The following PTPRN2 variants were observed in gnomAD, a reference collection of about 807,000 sequenced individuals.
PTPRN2 encodes receptor-type tyrosine-protein phosphatase N2.
Under a neutral mutation model 118.8 loss-of-function variants are expected in PTPRN2, and 74 were observed. The ratio of observed to expected loss-of-function variants is 0.62; its 90% CI spans 0.52 to 0.76. PTPRN2 has a LOEUF of 0.76. Ranked by LOEUF, PTPRN2 falls within the 30% of genes least tolerant of loss-of-function variation. PTPRN2 has a pLI of 0.00. For missense variants in PTPRN2, 1,481 were observed against 1,394.4 expected (o/e 1.06, Z -0.99); for synonymous variants, 641 against 608.0 (o/e 1.05, Z -0.80).
chr7:157,727,399 G>A (rs1225191901), intron 12 of PTPRN2, among the ~76,000 whole-genome samples: 1 of 152,168 alleles, frequency 6.6e-6, no homozygotes, highest in African/African-American at 2.4e-5. Context: ...CACAACACAG[G>A]GAACCCTGGG....
At chr7:158,188,189 T>G (rs991012933) in intron 5 of PTPRN2, among the ~76,000 whole-genome samples, 5,442 of 58,606 alleles carry the variant, frequency 0.093, 709 homozygotes, top group Non-Finnish European at 0.13. Context: ...CGCCCCGCGA[T>G]GGGGAAGGCC....
chr7:158,245,014 T>G (rs926165622), intron 3 of PTPRN2, among the ~76,000 whole-genome samples: 7 of 152,188 alleles, frequency 4.6e-5, no homozygotes, highest in Non-Finnish European at 1.0e-4. Flanking sequence ...TGTGGACAAG[T>G]GACGTCGTCT....
At chr7:157,710,810 G>A (rs10246916) in intron 12 of PTPRN2, among the ~76,000 whole-genome samples, 9,711 of 143,330 alleles carry the variant, frequency 0.068, 998 homozygotes, top group African/African-American at 0.22. Flanking sequence ...AGAGCCCCAC[G>A]CGCCGGAGGT....
At chr7:157,653,334 G>A (rs1401718992) in intron 14 of PTPRN2, among the ~76,000 whole-genome samples, 1 of 152,206 alleles carries the variant, frequency 6.6e-6, no homozygotes, top group African/African-American at 2.4e-5. Context: ...GGGCACTGAG[G>A]TGGCCGGTTG....
At chr7:157,727,118 C>T (rs1334258828) in intron 12 of PTPRN2, among the ~76,000 whole-genome samples, 1 of 152,154 alleles carries the variant, frequency 6.6e-6, no homozygotes, top group East Asian at 1.9e-4. Flanking sequence ...GCCGGCAGCC[C>T]TATGTCTGGG....
At chr7:157,559,017 G>A (rs1331436489) in intron 21 of PTPRN2, among the ~76,000 whole-genome samples, 2 of 152,224 alleles carry the variant, frequency 1.3e-5, no homozygotes, top group South Asian at 2.1e-4. Context: ...GAGGGGCCGC[G>A]TGACACTGCA....
Position 157,787,824 on chromosome 7 carries a change from G to A in PTPRN2, c.1789-104887C>T, listed in dbSNP as rs535296056. Reference sequence around the variant, plus strand: ...CTGGGGGCCCCGTCCAAGCTGCCAAGGGCTGGGGTGGGCTGTTCCCCTCTT... The same window carrying A: ...CTGGGGGCCCCGTCCAAGCTGCCAAAGGCTGGGGTGGGCTGTTCCCCTCTT... On this transcript the variant is annotated intron_variant, in intron 12 of 22. Coordinates refer to ENST00000389418, the MANE Select transcript of PTPRN2 (RefSeq NM_002847.5). The surrounding 1 kb of genome is among the most constrained non-coding windows in gnomAD (Gnocchi z 5.3). 7.2e-3 allele frequency among the ~76,000 whole-genome samples: 1,095 copies of A among 152,272 alleles called. 12 individuals are homozygous for A. Among genetic ancestry groups the A allele is most frequent in the African/African-American group, 0.025 (1,038 of 41,546 alleles).
chr7:158,578,698 C>T (rs1456381449), intron 1 of PTPRN2, among the ~76,000 whole-genome samples: 1 of 151,930 alleles, frequency 6.6e-6, no homozygotes, highest in African/African-American at 2.4e-5. Context: ...CTCCTTCCTC[C>T]CTCCCTTCTT....
rs1163038105 is a variant in PTPRN2 at position 158,574,271 on chromosome 7, T to C, written c.112+13287A>G. ...TCTAAAATGTTATTAATCACATTAATAAAAATTTTAGTGAATACAAAGAAG... is the reference window on the plus strand; with the variant it reads ...TCTAAAATGTTATTAATCACATTAACAAAAATTTTAGTGAATACAAAGAAG... On this transcript the variant is annotated intron_variant, in intron 1 of 22. Coordinates refer to ENST00000389418, the MANE Select transcript of PTPRN2 (RefSeq NM_002847.5). This position sits in a 1 kb window ranked among gnomAD's most constrained non-coding sequence, Gnocchi z 4.6. Among the ~76,000 whole-genome samples the C allele has an allele frequency of 1.3e-5, 2 of 152,262 alleles. No individual in the cohort carries two copies. The highest frequency in any genetic ancestry group is 4.1e-4 in the South Asian group (2 of 4,836).
intron 12 of PTPRN2, among the ~76,000 whole-genome samples, chr7:157,775,816 C>T (rs1447733298): frequency 6.6e-6 from 1 of 152,134 alleles, no homozygotes; most frequent in Non-Finnish European, 1.5e-5. Context: ...CATCTGCTCA[C>T]CAAGTAAGCC....
intron 21 of PTPRN2, among the ~76,000 whole-genome samples, chr7:157,557,385 A>C (rs1798955470): frequency 6.6e-6 from 1 of 151,954 alleles, no homozygotes; most frequent in Non-Finnish European, 1.5e-5. Context: ...CATACATCAT[A>C]CACATGCATA....
intron 2 of PTPRN2, among the ~76,000 whole-genome samples, chr7:158,366,741 C>G (rs1809560694): frequency 6.6e-6 from 1 of 152,124 alleles, no homozygotes; most frequent in African/African-American, 2.4e-5. Flanking sequence ...CCATTGACGG[C>G]CAGGGTTCTC....
rs1274995648 is a variant in PTPRN2, at chr7:157,646,377, A to T, written c.2196+9980T>A. Among the ~76,000 whole-genome samples the T allele has an allele frequency of 2.0e-5, 3 of 152,096 alleles. No individual in the cohort carries two copies. In the East Asian group the frequency reaches 5.8e-4, roughly 29 times the overall value. On this transcript the variant is annotated intron_variant, in intron 14 of 22. Coordinates refer to ENST00000389418, the MANE Select transcript of PTPRN2 (RefSeq NM_002847.5). Reference sequence around the variant, plus strand: ...CTGTTCTCTCCCTCCTGCACCTGCCATGTGACGTCTTGGCTCCCCTTTGCC... The same window carrying T: ...CTGTTCTCTCCCTCCTGCACCTGCCTTGTGACGTCTTGGCTCCCCTTTGCC...
At chr7:157,772,344 T>TAC (rs1230372050) in intron 12 of PTPRN2, among the ~76,000 whole-genome samples, 4 of 100,098 alleles carry the variant, frequency 4.0e-5, no homozygotes, top group Non-Finnish European at 7.7e-5. Context: ...CACACAGACA[T>TAC]ACACACACAC....
intron 2 of PTPRN2, among the ~76,000 whole-genome samples, chr7:158,398,819 A>AT (rs534185030): frequency 3.9e-5 from 6 of 152,336 alleles, no homozygotes; most frequent in African/African-American, 1.4e-4. Flanking sequence ...CTACCTCTCC[A>AT]TAACACATCA....
chr7:158,489,790 G>T lies in PTPRN2; in HGVS notation c.113-5C>A. ...GGCCCTCCTCGAGCAGGCAGCCTGC[G>T]GGGAAACAGAGAAGAGACGCGGTCA... On this transcript the variant is annotated splice_region_variant and splice_polypyrimidine_tract_variant and intron_variant, in intron 1 of 22. Transcript: ENST00000389418. The T allele has an allele frequency of 6.4e-7, 1 of 1,568,800 alleles. No homozygotes were observed. The highest frequency in any genetic ancestry group is 8.6e-7 in the Non-Finnish European group (1 of 1,159,910).
rs1563371763 is a variant in PTPRN2, at chr7:158,058,365, CACATCACT to C, written c.1723+22925_1723+22932del. 1.4e-4 allele frequency among the ~76,000 whole-genome samples: 11 copies of C among 80,700 alleles called. 3 individuals are homozygous for C. Among genetic ancestry groups the C allele is most frequent in the African/African-American group, 5.4e-4 (11 of 20,384 alleles). The allele number at this position is 80,700 out of a possible 152,430, so 52.9% of individuals were successfully genotyped here. The stretch of plus-strand genomic sequence containing the variant: ...GCCACGCTCCATCTGCCCACGGTGA[CACATCACT>C]GCAGCCACACTCCATCTGCCCACGG... On this transcript the variant is annotated intron_variant, in intron 11 of 22. Transcript: ENST00000389418.
intron 12 of PTPRN2, among the ~76,000 whole-genome samples, chr7:157,767,922 G>T (rs912023324): frequency 6.6e-6 from 1 of 152,162 alleles, no homozygotes; most frequent in African/African-American, 2.4e-5. Context: ...AAGAAAGCCC[G>T]CTTGAGGGAC....
intron 10 of PTPRN2, among the ~76,000 whole-genome samples, chr7:158,110,496 A>G (rs114288987): frequency 0.014 from 2,077 of 152,278 alleles, 53 homozygotes; most frequent in African/African-American, 0.047. Context: ...AACGCTGCAC[A>G]GTGTTCTCTG....
Sources: gnomAD v4.1 joint callset for allele counts (sites outside exome capture counted in the v4.1 genomes callset) on GRCh38, gnomAD v4.1.1 for gene constraint, Gnocchi (gnomAD v3.1) non-coding constraint, MANE v1.5 for transcripts, NCBI Gene and HGNC (gene_info 2026-07-23, HGNC 2026-07-21) for gene names.